The following CHSY3 variants were observed in gnomAD, a reference collection of about 807,000 sequenced individuals.
CHSY3 encodes chondroitin sulfate synthase 3, also known as N-acetylgalactosaminyl-proteoglycan 3-beta-glucuronosyltransferase 3.
In CHSY3, 35 loss-of-function variants were observed where a neutral mutation model predicts 67.2. The ratio of observed to expected loss-of-function variants is 0.52; its 90% CI spans 0.40 to 0.69. CHSY3 has a LOEUF of 0.69. Ranked by LOEUF, CHSY3 falls within the 30% of genes least tolerant of loss-of-function variation. The pLI, the probability that CHSY3 is intolerant of heterozygous loss-of-function variation, is 0.00. For missense variants in CHSY3, 1,069 were observed against 1,138.5 expected, an observed-to-expected ratio of 0.94 and a Z score of 0.88; for synonymous variants, 474 against 434.7, an observed-to-expected ratio of 1.09 and a Z score of -1.12.
chr5:130,078,700 A>G (rs928725754), intron 2 of CHSY3, among the ~76,000 whole-genome samples: 2 of 152,160 alleles, frequency 1.3e-5, no homozygotes, highest in African/African-American at 4.8e-5. Flanking sequence ...AAAACACAAA[A>G]TACAAAGTGC....
intron 2 of CHSY3, among the ~76,000 whole-genome samples, chr5:130,119,549 G>A (rs1368500651): frequency 1.3e-5 from 2 of 152,020 alleles, no homozygotes; most frequent in Admixed American, 6.6e-5. Context: ...GCAGCACCTG[G>A]TCTGTATTCC....
chr5:130,109,481 A>G (rs928210900), intron 2 of CHSY3, among the ~76,000 whole-genome samples: 8 of 151,872 alleles, frequency 5.3e-5, no homozygotes, highest in African/African-American at 1.9e-4. Context: ...AAATTAATAC[A>G]TTAGAAGCTA....
intron 2 of CHSY3, among the ~76,000 whole-genome samples, chr5:130,017,239 G>T (rs960781204): frequency 2.6e-5 from 4 of 151,922 alleles, no homozygotes; most frequent in Non-Finnish European, 5.9e-5. Flanking sequence ...GTGGAAGTTC[G>T]AGTGTATGGT....
intron 2 of CHSY3, among the ~76,000 whole-genome samples, chr5:130,105,734 G>A (rs1767392687): frequency 1.3e-5 from 2 of 151,784 alleles, no homozygotes; most frequent in Middle Eastern, 6.8e-3. Context: ...AGATGTATTA[G>A]TGCCATTGTC....
At chr5:130,140,072 C>A (rs772771663) in intron 2 of CHSY3, 9 of 196,052 alleles carry the variant, frequency 4.6e-5, no homozygotes, top group Non-Finnish European at 9.3e-5. Flanking sequence ...TTAGCACTAC[C>A]AACTGTTGTG....
chr5:129,930,141 T>C (rs1761251754), intron 2 of CHSY3, among the ~76,000 whole-genome samples: 1 of 152,076 alleles, frequency 6.6e-6, no homozygotes, highest in African/African-American at 2.4e-5. Flanking sequence ...GAGACCATCC[T>C]GGCCAACATA....
At chr5:129,973,025 TATTGTG>T (rs1219413580) in intron 2 of CHSY3, among the ~76,000 whole-genome samples, 4 of 152,074 alleles carry the variant, frequency 2.6e-5, no homozygotes, top group Non-Finnish European at 5.9e-5. Context: ...GTTGCTCTCA[TATTGTG>T]ATTGTAACTC....
intron 2 of CHSY3, among the ~76,000 whole-genome samples, chr5:129,935,229 C>A (rs1761448762): frequency 6.6e-6 from 1 of 152,154 alleles, no homozygotes; most frequent in South Asian, 2.1e-4. Flanking sequence ...TGATCACAAA[C>A]ATGGAAGAGG....
intron 2 of CHSY3, among the ~76,000 whole-genome samples, chr5:130,017,706 TGA>T (rs764379387): frequency 2.0e-5 from 3 of 152,138 alleles, no homozygotes; most frequent in East Asian, 3.8e-4. Flanking sequence ...ATTAACATAC[TGA>T]AGTAAAATTT....
In CHSY3 at chr5:130,034,063, A is replaced by G. The variant is rs79222293; in HGVS notation, c.1086+125703A>G. Among the ~76,000 whole-genome samples the G allele has an allele frequency of 9.8e-3, 1,485 of 152,202 alleles. 26 individuals carry two copies. Among genetic ancestry groups the G allele is most frequent in the African/African-American group, 0.033 (1,382 of 41,556 alleles). ...CTTAAACTAAATCTTGCTTTTAACT[A>G]TTGCTTAAGTTTTTTACACAATAAC... On this transcript the variant is annotated intron_variant, in intron 2 of 2. Coordinates refer to ENST00000305031, the MANE Select transcript of CHSY3 (RefSeq NM_175856.5).
intron 2 of CHSY3, among the ~76,000 whole-genome samples, chr5:129,930,301 A>G (rs1201778960): frequency 6.6e-6 from 1 of 150,950 alleles, no homozygotes; most frequent in Non-Finnish European, 1.5e-5. Context: ...CCACCGCACT[A>G]CAGCCTGAGC....
chr5:130,015,508 A>T (rs999020163), intron 2 of CHSY3, among the ~76,000 whole-genome samples: 2 of 152,244 alleles, frequency 1.3e-5, no homozygotes, highest in African/African-American at 4.8e-5. Flanking sequence ...ACTGATCATT[A>T]GGGAAATGCA....
intron 2 of CHSY3, among the ~76,000 whole-genome samples, chr5:130,111,972 C>T (rs796217631): frequency 1.3e-5 from 2 of 152,100 alleles, no homozygotes; most frequent in South Asian, 4.1e-4. Flanking sequence ...ACTAACTCAT[C>T]CCCATTTACA....
At chr5:130,077,816 C>G (rs896140489) in intron 2 of CHSY3, among the ~76,000 whole-genome samples, 1 of 150,156 alleles carries the variant, frequency 6.7e-6, no homozygotes, top group Non-Finnish European at 1.5e-5. Context: ...TATATACACA[C>G]ATATATATAC....
At chr5:130,068,075 T>C (rs1417140350) in intron 2 of CHSY3, among the ~76,000 whole-genome samples, 2 of 152,144 alleles carry the variant, frequency 1.3e-5, no homozygotes, top group African/African-American at 4.8e-5. Context: ...CCATCACCTC[T>C]TCTCACCCCT....
In CHSY3 at chr5:130,184,444, C is replaced by T. The variant is rs772331866; in HGVS notation, c.1302C>T (p.Leu434=). ...LHRESALMSK[L]SNTEVSKEDQ... is the part of the protein sequence containing the mutation. Reference sequence around the variant, plus strand: ...GGGAAAGTGCCCTGATGAGCAAGCTCAGTAACACAGAAGTGAGCAAAGAGG... The same window carrying T: ...GGGAAAGTGCCCTGATGAGCAAGCTTAGTAACACAGAAGTGAGCAAAGAGG... The change falls in exon 3 of 3, where the codon CTC becomes CTT. Residue 434 remains leucine (L), a synonymous_variant. Coordinates refer to ENST00000305031, the MANE Select transcript of CHSY3 (RefSeq NM_175856.5). 5.0e-6 allele frequency: 8 copies of T among 1,613,522 alleles called. No homozygotes were observed. Among genetic ancestry groups the T allele is most frequent in the Non-Finnish European group, 6.8e-6 (8 of 1,179,580 alleles).
At chr5:129,996,821 C>T (rs948369366) in intron 2 of CHSY3, among the ~76,000 whole-genome samples, 4 of 152,058 alleles carry the variant, frequency 2.6e-5, no homozygotes, top group African/African-American at 7.2e-5. Flanking sequence ...TAGCATTTAT[C>T]ATATTTGTAA....
intron 2 of CHSY3, among the ~76,000 whole-genome samples, chr5:129,924,983 A>G (rs142341431): frequency 0.011 from 1,704 of 152,248 alleles, 38 homozygotes; most frequent in African/African-American, 0.038. Flanking sequence ...TACTTTGCTG[A>G]GTGGTGGGAT....
At chr5:130,165,733 A>G (rs1769727578) in intron 2 of CHSY3, among the ~76,000 whole-genome samples, 1 of 152,044 alleles carries the variant, frequency 6.6e-6, no homozygotes, top group Non-Finnish European at 1.5e-5. Flanking sequence ...ATATATGTAT[A>G]TGTATTTACT....
Sources: allele counts gnomAD v4.1 joint callset (sites outside exome capture counted in the v4.1 genomes callset), GRCh38; gene constraint gnomAD v4.1.1; transcripts MANE v1.5; gene names NCBI Gene and HGNC (gene_info 2026-07-23, HGNC 2026-07-21).